The following KPNA4 variants were observed in gnomAD, a reference collection of about 807,000 sequenced individuals.
KPNA4 encodes importin subunit alpha-3.
A neutral mutation model predicts 71.3 loss-of-function variants in KPNA4; 13 were observed. The ratio of observed to expected loss-of-function variants is 0.18; its 90% CI spans 0.12 to 0.29. KPNA4 has a LOEUF of 0.29. KPNA4 is among the 10% of genes least tolerant of loss of function. KPNA4 has a pLI of 1.00. For synonymous variants in KPNA4, 189 were observed against 195.2 expected, an observed-to-expected ratio of 0.97 and a Z score of 0.26; for missense variants, 334 against 603.2, an observed-to-expected ratio of 0.55 and a Z score of 4.67.
intron 15 of KPNA4, 128 bp downstream of exon 15, chr3:160,507,979 A>C (rs1342831380): frequency 1.4e-6 from 1 of 699,842 alleles, no homozygotes; most frequent in African/African-American, 1.8e-5. Context: ...ATAGAATACA[A>C]TATTTACTTT....
chr3:160,533,367 A>T (rs1721611159), intron 5 of KPNA4, among the ~76,000 whole-genome samples: 2 of 152,000 alleles, frequency 1.3e-5, no homozygotes, highest in Non-Finnish European at 2.9e-5. Flanking sequence ...CAATTAGCTT[A>T]TAAAGTTCTT....
At position 160,565,315 on chromosome 3, in the gene KPNA4, C is replaced by T. The variant is rs1194681949; in HGVS notation, c.-33G>A. 3.2e-6 allele frequency: 5 copies of T among 1,549,802 alleles called. No individual in the cohort carries two copies. The highest frequency in any genetic ancestry group is 2.4e-5 in the East Asian group (1 of 41,322). On this transcript the variant is annotated 5_prime_UTR_variant, in exon 1 of 17. Coordinates refer to ENST00000334256, the MANE Select transcript of KPNA4 (RefSeq NM_002268.5). ...CCGGTGACTCCTTCCCCCGCCCGGG[C>T]CCCGCGGGATCCGCCCCAACCAACG...
At chr3:160,553,274 C>A (rs1292821445) in intron 1 of KPNA4, among the ~76,000 whole-genome samples, 2 of 152,300 alleles carry the variant, frequency 1.3e-5, no homozygotes, top group Non-Finnish European at 2.9e-5. Flanking sequence ...CCTCACACCA[C>A]AGAAGACTGG....
At chr3:160,544,289 T>A (rs776225158) in intron 1 of KPNA4, among the ~76,000 whole-genome samples, 1 of 152,198 alleles carries the variant, frequency 6.6e-6, no homozygotes, top group Non-Finnish European at 1.5e-5. Flanking sequence ...GAAATGACCA[T>A]AGGTTTGGTG....
intron 14 of KPNA4, among the ~76,000 whole-genome samples, chr3:160,508,678 G>C (rs948424423): frequency 6.6e-6 from 1 of 151,748 alleles, no homozygotes; most frequent in African/African-American, 2.4e-5. Context: ...TGTTGCGCAG[G>C]ATTTATTTAT....
At chr3:160,508,602 G>A (rs1457451458) in intron 14 of KPNA4, among the ~76,000 whole-genome samples, 1 of 149,202 alleles carries the variant, frequency 6.7e-6, no homozygotes, top group Non-Finnish European at 1.5e-5. Context: ...GCTGTTAATG[G>A]AGGCTGTATG....
chr3:160,554,071 G>A (rs1722090367), intron 1 of KPNA4, among the ~76,000 whole-genome samples: 1 of 152,194 alleles, frequency 6.6e-6, no homozygotes, highest in East Asian at 1.9e-4. Context: ...ATTCAATACA[G>A]GGAAGGGTAG....
chr3:160,545,658 GAT>G (rs1212386275), intron 1 of KPNA4, among the ~76,000 whole-genome samples: 13 of 152,196 alleles, frequency 8.5e-5, no homozygotes, highest in African/African-American at 3.1e-4. Context: ...GCCACTGGGG[GAT>G]GAGCAAAGGA....
At chr3:160,530,832 A>T in intron 7 of KPNA4, 23 bp downstream of exon 7, 2 of 1,517,838 alleles carry the variant, frequency 1.3e-6, no homozygotes, top group African/African-American at 1.4e-5. Context: ...AATCACAATT[A>T]TGTTTATTAA....
chr3:160,556,355 C>T (rs1722137017), intron 1 of KPNA4, among the ~76,000 whole-genome samples: 1 of 152,196 alleles, frequency 6.6e-6, no homozygotes, highest in African/African-American at 2.4e-5. Context: ...GAGGGTTCCA[C>T]TTTCTCCACA....
chr3:160,510,238 C>A (rs1308625836), intron 13 of KPNA4, among the ~76,000 whole-genome samples: 1 of 152,028 alleles, frequency 6.6e-6, no homozygotes. Context: ...CTTTTACACA[C>A]AAAAATGATA....
chr3:160,534,496 G>A (rs540415085), intron 5 of KPNA4, among the ~76,000 whole-genome samples: 2 of 151,640 alleles, frequency 1.3e-5, no homozygotes, highest in South Asian at 4.2e-4. Context: ...GAGGCAGGTG[G>A]ATCACAAGGT....
intron 1 of KPNA4, among the ~76,000 whole-genome samples, chr3:160,560,544 C>T (rs1161332718): frequency 6.6e-6 from 1 of 151,344 alleles, no homozygotes; most frequent in Non-Finnish European, 1.5e-5. Context: ...ATTTTAAGGA[C>T]CCACAACCAC....
At chr3:160,540,788 A>G (rs1721782957) in intron 1 of KPNA4, among the ~76,000 whole-genome samples, 1 of 152,252 alleles carries the variant, frequency 6.6e-6, no homozygotes. Context: ...TATAGGCCAG[A>G]GAGCTATATA....
chr3:160,563,362 G>A (rs1205712877), intron 1 of KPNA4, among the ~76,000 whole-genome samples: 1 of 152,212 alleles, frequency 6.6e-6, no homozygotes, highest in Non-Finnish European at 1.5e-5. Context: ...AAAACTGGTT[G>A]CCTGGGGCTG....
chr3:160,561,576 T>A (rs565951892), intron 1 of KPNA4, among the ~76,000 whole-genome samples: 1 of 152,076 alleles, frequency 6.6e-6, no homozygotes, highest in African/African-American at 2.4e-5. Flanking sequence ...TTTAGAGGAG[T>A]CAGAATGGTA....
At chr3:160,558,036 G>T (rs1204899061) in intron 1 of KPNA4, among the ~76,000 whole-genome samples, 3 of 152,068 alleles carry the variant, frequency 2.0e-5, no homozygotes, top group Non-Finnish European at 2.9e-5. Context: ...AAATATCTAT[G>T]ACCTTAAATC....
At chr3:160,528,431 TC>T (rs1227789019) in intron 7 of KPNA4, among the ~76,000 whole-genome samples, 1 of 152,144 alleles carries the variant, frequency 6.6e-6, no homozygotes, top group Non-Finnish European at 1.5e-5. Flanking sequence ...AGCGGTGGAA[TC>T]TTGGCTCACT....
intron 5 of KPNA4, among the ~76,000 whole-genome samples, chr3:160,532,116 C>T (rs745392877): frequency 3.3e-5 from 5 of 152,206 alleles, no homozygotes; most frequent in Non-Finnish European, 7.3e-5. Context: ...AATGGTACAA[C>T]ATTATTATTC....
Sources: allele counts gnomAD v4.1 joint callset (sites outside exome capture counted in the v4.1 genomes callset), GRCh38; gene constraint gnomAD v4.1.1; transcripts MANE v1.5; gene names NCBI Gene and HGNC (gene_info 2026-07-23, HGNC 2026-07-21).